The following ARFGEF3 variants were observed in gnomAD, a reference collection of about 807,000 sequenced individuals.
ARFGEF3 encodes ARFGEF family member 3, also known as brefeldin A-inhibited guanine nucleotide-exchange protein 3.
A neutral mutation model predicts 221.7 loss-of-function variants in ARFGEF3; 96 were observed. The ratio of observed to expected loss-of-function variants is 0.43; its 90% CI spans 0.37 to 0.51. The LOEUF is 0.51. ARFGEF3 is among the 20% of genes least tolerant of loss of function. The pLI is 0.00. For missense variants in ARFGEF3, 2,410 were observed against 2,789.9 expected, an observed-to-expected ratio of 0.86 and a Z score of 3.07; for synonymous variants, 1,145 against 1,126.8, an observed-to-expected ratio of 1.02 and a Z score of -0.32.
intron 11 of ARFGEF3, 53 bp downstream of exon 11, chr6:138,261,692 T>G: frequency 9.7e-7 from 1 of 1,029,450 alleles, no homozygotes; most frequent in East Asian, 2.7e-5. Flanking sequence ...CTGAAGACTT[T>G]TAACCTTGCT....
intron 4 of ARFGEF3, among the ~76,000 whole-genome samples, chr6:138,212,049 C>G (rs997586082): frequency 6.6e-6 from 1 of 152,094 alleles, no homozygotes; most frequent in African/African-American, 2.4e-5. Context: ...AGATAAGGGC[C>G]TTTGTTACAT....
rs527254974 is a variant in ARFGEF3 at position 138,305,650 on chromosome 6, A to G, written c.3829-1603A>G. On this transcript the variant is annotated intron_variant, in intron 22 of 33. Coordinates refer to ENST00000251691, the MANE Select transcript of ARFGEF3 (RefSeq NM_020340.5). Reference sequence around the variant, plus strand: ...AAAAAAGCCAAATAAACCCAGTAACATATAAAGAAGATTAAACATTGTGGC... The same window carrying G: ...AAAAAAGCCAAATAAACCCAGTAACGTATAAAGAAGATTAAACATTGTGGC... 2.6e-5 allele frequency among the ~76,000 whole-genome samples: 4 copies of G among 152,000 alleles called. No homozygotes were observed. In the East Asian group the frequency reaches 7.7e-4, roughly 29 times the overall value.
At chr6:138,217,285 G>C (rs186378440) in intron 4 of ARFGEF3, 18 of 152,214 alleles carry the variant, frequency 1.2e-4, no homozygotes, top group African/African-American at 4.3e-4. Context: ...ACTTACTCTG[G>C]ATGTTCTATA....
In ARFGEF3 at chr6:138,324,166, G is replaced by A. The variant is rs565520902; in HGVS notation, c.5001+12G>A. 1.2e-6 allele frequency: 2 copies of A among 1,609,078 alleles called. No individual in the cohort carries two copies. Among genetic ancestry groups the A allele is most frequent in the Non-Finnish European group, 1.7e-6 (2 of 1,176,916 alleles). Reference sequence around the variant, plus strand: ...CCATGGCCCAGCAGGTAAGGGCAGGGGCTTTTGATCTCAGGAGCTCTAGAA... The same window carrying A: ...CCATGGCCCAGCAGGTAAGGGCAGGAGCTTTTGATCTCAGGAGCTCTAGAA... On this transcript the variant is annotated intron_variant, in intron 31 of 33. Coordinates refer to ENST00000251691, the MANE Select transcript of ARFGEF3 (RefSeq NM_020340.5).
intron 4 of ARFGEF3, chr6:138,218,400 A>G: frequency 2.0e-6 from 3 of 1,528,158 alleles, no homozygotes; most frequent in South Asian, 1.3e-5. Flanking sequence ...CCTCATATTT[A>G]CTACTGTAAA....
chr6:138,308,885 C>A (rs1177320208), intron 24 of ARFGEF3, 24 bp downstream of exon 24: 2 of 1,613,658 alleles, frequency 1.2e-6, no homozygotes, highest in South Asian at 1.1e-5. Flanking sequence ...TTCTCTCATG[C>A]CTTGTAACTG....
Position 138,307,251 on chromosome 6 carries a change from A to C in ARFGEF3, c.3829-2A>C. Reference sequence around the variant, plus strand: ...AAGTGCCACTTGCTTTGCCTCTACCAGGTTGTCACATCCATTGGTGAGCTG... The same window carrying C: ...AAGTGCCACTTGCTTTGCCTCTACCCGGTTGTCACATCCATTGGTGAGCTG... On this transcript the variant is annotated splice_acceptor_variant, in intron 22 of 33. Coordinates refer to ENST00000251691, the MANE Select transcript of ARFGEF3 (RefSeq NM_020340.5). LOFTEE classifies it high-confidence loss of function. 6.2e-7 allele frequency: 1 copy of C among 1,613,438 alleles called. No individual in the cohort carries two copies. The highest frequency in any genetic ancestry group is 8.5e-7 in the Non-Finnish European group (1 of 1,179,510).
chr6:138,193,732 C>T (rs1760752243), intron 2 of ARFGEF3, among the ~76,000 whole-genome samples: 1 of 152,086 alleles, frequency 6.6e-6, no homozygotes, highest in Non-Finnish European at 1.5e-5. Context: ...GACCATTTTG[C>T]AGTCATGGTA....
intron 12 of ARFGEF3, among the ~76,000 whole-genome samples, chr6:138,265,091 G>A (rs1562372974): frequency 6.6e-6 from 1 of 152,048 alleles, no homozygotes; most frequent in Non-Finnish European, 1.5e-5. Flanking sequence ...TTTTAGTAGA[G>A]ACAGGGTTTC....
intron 12 of ARFGEF3, among the ~76,000 whole-genome samples, chr6:138,269,781 C>T (rs528334409): frequency 9.2e-4 from 139 of 151,508 alleles, no homozygotes; most frequent in Non-Finnish European, 1.4e-3. Context: ...CACTCCAGCC[C>T]GGGCAATAAG....
intron 18 of ARFGEF3, 41 bp downstream of exon 18, chr6:138,290,009 C>T (rs370779395): frequency 5.0e-5 from 79 of 1,569,962 alleles, no homozygotes; most frequent in Non-Finnish European, 6.2e-5. Flanking sequence ...ACTAACCCTG[C>T]CTTGGGAAAC....
intron 10 of ARFGEF3, 75 bp from the exon 11 acceptor site, chr6:138,261,452 G>T (rs973812482): frequency 1.2e-6 from 1 of 821,522 alleles, no homozygotes; most frequent in Non-Finnish European, 1.9e-6. Flanking sequence ...ATGTTTTTTT[G>T]ATCTCACAAT....
In ARFGEF3 at chr6:138,342,535, G is replaced by A. The variant is rs376597401; in HGVS notation, c.*6049G>A. ...CTATGGAACAGTGAGATAAATCTAA[G>A]CTTCTTGTCTTTGTATTTAGAAACA... On this transcript the variant is annotated 3_prime_UTR_variant, in exon 34 of 34. Transcript: ENST00000251691. 5.9e-5 allele frequency: 9 copies of A among 152,218 alleles called. 1 individual carries two copies. Among genetic ancestry groups the A allele is most frequent in the Admixed American group, 2.6e-4 (4 of 15,288 alleles). The allele number at this position is 152,218 out of a possible 1,614,324, so 9.4% of individuals were successfully genotyped here.
intron 4 of ARFGEF3, chr6:138,218,334 T>G (rs1223985652): frequency 6.4e-7 from 1 of 1,556,650 alleles, no homozygotes; most frequent in Non-Finnish European, 8.7e-7. Flanking sequence ...TTTTCTGATC[T>G]GTAAAATGTG....
chr6:138,212,160 T>A (rs1777739205), intron 4 of ARFGEF3, among the ~76,000 whole-genome samples: 1 of 152,228 alleles, frequency 6.6e-6, no homozygotes. Context: ...TCTAGCTAAT[T>A]AACAAATGCA....
intron 33 of ARFGEF3, 92 bp downstream of exon 33, chr6:138,335,280 G>A: frequency 7.6e-7 from 1 of 1,313,746 alleles, no homozygotes. Context: ...CACAGGCTAA[G>A]ATTTATAGAA....
chr6:138,287,321 G>C, intron 17 of ARFGEF3, 137 bp downstream of exon 17: 1 of 652,436 alleles, frequency 1.5e-6, no homozygotes, highest in Non-Finnish European at 2.7e-6. Flanking sequence ...CTGATCACGA[G>C]ATCCCATTGA....
intron 23 of ARFGEF3, 145 bp downstream of exon 23, chr6:138,307,542 C>G (rs77788875): frequency 1.3e-6 from 1 of 770,928 alleles, no homozygotes; most frequent in African/African-American, 1.7e-5. Context: ...GTAGCAGGAA[C>G]ATGAGTCCTG....
intron 27 of ARFGEF3, among the ~76,000 whole-genome samples, chr6:138,318,231 A>C (rs1456480298): frequency 6.6e-6 from 1 of 152,180 alleles, no homozygotes; most frequent in East Asian, 1.9e-4. Flanking sequence ...TATTTTATAG[A>C]ATTGCAAACC....
Sources: allele counts gnomAD v4.1 joint callset (sites outside exome capture counted in the v4.1 genomes callset), GRCh38; gene constraint gnomAD v4.1.1; transcripts MANE v1.5; gene names NCBI Gene and HGNC (gene_info 2026-07-23, HGNC 2026-07-21).